PRKCH: variants seen among roughly 807,000 people sequenced by gnomAD.
PRKCH encodes protein kinase C eta type.
PRKCH carries 28 observed loss-of-function variants against 82.5 expected under a neutral mutation model. That is an observed-to-expected ratio of 0.34 (90% CI 0.25 to 0.47). The LOEUF (loss-of-function observed/expected upper bound fraction) is 0.47, where lower values mean the gene tolerates loss of function less well. PRKCH is among the 20% of genes least tolerant of loss of function. The probability of loss-of-function intolerance (pLI) is 1.00; values close to 1 mark genes in which losing one functional copy is unlikely to be tolerated. For synonymous variants in PRKCH, 322 were observed against 327.4 expected (o/e 0.98, Z 0.18); for missense variants, 705 against 881.8 (o/e 0.80, Z 2.54).
At chr14:61,452,303 A>G (rs1307566702) in intron 6 of PRKCH, among the ~76,000 whole-genome samples, 2 of 151,976 alleles carry the variant, frequency 1.3e-5, no homozygotes, top group Non-Finnish European at 2.9e-5. Context: ...CCTCTACTTG[A>G]TTTGGTGTTC....
intron 10 of PRKCH, among the ~76,000 whole-genome samples, chr14:61,524,192 C>T (rs944966858): frequency 2.0e-5 from 3 of 152,206 alleles, no homozygotes; most frequent in African/African-American, 7.2e-5. Context: ...TTATTACTCT[C>T]AGGATAGCTT....
intron 1 of PRKCH, among the ~76,000 whole-genome samples, chr14:61,338,463 T>G (rs2045887089): frequency 6.6e-6 from 1 of 152,168 alleles, no homozygotes; most frequent in South Asian, 2.1e-4. Context: ...AAATAAGTAT[T>G]AAAGGTGTGT....
chr14:61,457,374 G>GGT lies in PRKCH; in HGVS notation c.1104+69_1104+70dup, dbSNP rs146597366. On this transcript the variant is annotated intron_variant, in intron 8 of 13. Coordinates refer to ENST00000332981, the MANE Select transcript of PRKCH (RefSeq NM_006255.5). The stretch of plus-strand genomic sequence containing the variant: ...AAGTAAGTGTGCTCTGTGTATGGGG[G>GGT]GTGTGTGTGTGTGTGCACGCATGCG... The GGT allele has an allele frequency of 2.4e-4, 371 of 1,573,276 alleles. 2 individuals are homozygous for GGT. Among genetic ancestry groups the GGT allele is most frequent in the East Asian group, 1.4e-3 (60 of 43,778 alleles).
intron 2 of PRKCH, among the ~76,000 whole-genome samples, chr14:61,407,967 T>C (rs1424594029): frequency 6.6e-6 from 1 of 152,222 alleles, no homozygotes; most frequent in East Asian, 1.9e-4. Context: ...TCCCCTGTTG[T>C]CTGAATTTCC....
At chr14:61,328,712 G>A (rs1461065433) in intron 1 of PRKCH, among the ~76,000 whole-genome samples, 4 of 152,048 alleles carry the variant, frequency 2.6e-5, no homozygotes, top group Admixed American at 6.5e-5. Context: ...CTGGGGCCGC[G>A]TGCTATGGCT....
chr14:61,223,920 T>C (rs190860278), intron 1 of PRKCH, among the ~76,000 whole-genome samples: 93 of 152,336 alleles, frequency 6.1e-4, no homozygotes, highest in Admixed American at 1.2e-3. Context: ...TAGCTATATT[T>C]TTTAAAAATT....
rs113406855 is a variant in PRKCH, at chr14:61,430,045, A to G, written c.428-13066A>G. On this transcript the variant is annotated intron_variant, in intron 2 of 13. Coordinates refer to ENST00000332981, the MANE Select transcript of PRKCH (RefSeq NM_006255.5). The stretch of plus-strand genomic sequence containing the variant: ...TTATCAGGTAAATTCCATGGAATCA[A>G]GAGTAGAGGCATATGTTGCTTTTCT... Among the ~76,000 whole-genome samples, 632 of 152,328 alleles carry G rather than the reference A, an allele frequency of 4.1e-3. 5 individuals are homozygous for G. Among genetic ancestry groups the G allele is most frequent in the Non-Finnish European group, 6.2e-3 (424 of 68,024 alleles).
At chr14:61,263,984 G>T (rs2045074037) in intron 1 of PRKCH, among the ~76,000 whole-genome samples, 1 of 151,678 alleles carries the variant, frequency 6.6e-6, no homozygotes, top group South Asian at 2.1e-4. Flanking sequence ...TGCCAAAAGG[G>T]CAAATACATG....
intron 1 of PRKCH, among the ~76,000 whole-genome samples, chr14:61,312,237 A>C (rs1160889538): frequency 2.6e-5 from 4 of 152,236 alleles, no homozygotes; most frequent in Non-Finnish European, 4.4e-5. Context: ...GTTCAAAACA[A>C]ATGATTCTTG....
chr14:61,534,829 A>G (rs1594793307), intron 12 of PRKCH, among the ~76,000 whole-genome samples: 1 of 152,206 alleles, frequency 6.6e-6, no homozygotes, highest in African/African-American at 2.4e-5. Flanking sequence ...AATAACACCT[A>G]TAGTGCCCGC....
intron 10 of PRKCH, among the ~76,000 whole-genome samples, chr14:61,504,509 C>T (rs1198487641): frequency 1.3e-5 from 2 of 152,114 alleles, no homozygotes; most frequent in African/African-American, 4.8e-5. Context: ...CCATTTTGGG[C>T]GGTACACTGC....
chr14:61,278,881 A>C (rs1183109487), intron 1 of PRKCH: 1 of 152,046 alleles, frequency 6.6e-6, no homozygotes, highest in African/African-American at 2.4e-5. Context: ...TGATTCAAAT[A>C]TGATTACTAG....
At chr14:61,265,316 A>C (rs1213168464) in intron 1 of PRKCH, among the ~76,000 whole-genome samples, 1 of 152,090 alleles carries the variant, frequency 6.6e-6, no homozygotes, top group Admixed American at 6.5e-5. Context: ...CCCTGTCTCT[A>C]CAAAAAATAC....
At chr14:61,549,629 A>G (rs1349306953) in intron 13 of PRKCH, 56 bp from the exon 14 acceptor site, 2 of 1,589,680 alleles carry the variant, frequency 1.3e-6, no homozygotes, top group East Asian at 2.2e-5. Context: ...CCCATGCAAG[A>G]TGAGTAAGCC....
chr14:61,433,858 A>G (rs1883542173), intron 2 of PRKCH, among the ~76,000 whole-genome samples: 1 of 152,258 alleles, frequency 6.6e-6, no homozygotes, highest in South Asian at 2.1e-4. Flanking sequence ...CATGTACACC[A>G]GGATTTTCAG....
intron 1 of PRKCH, among the ~76,000 whole-genome samples, chr14:61,291,323 CTTTTTT>C (rs533117559): frequency 6.2e-5 from 6 of 96,694 alleles, no homozygotes; most frequent in Admixed American, 3.8e-4. Flanking sequence ...CCCTCTGGTT[CTTTTTT>C]TTTTTTTTTT....
At chr14:61,442,457 G>A (rs1273116528) in intron 2 of PRKCH, 1 of 152,184 alleles carries the variant, frequency 6.6e-6, no homozygotes, top group Non-Finnish European at 1.5e-5. Context: ...AATGCTTATA[G>A]CTCATAGATA....
rs569219302 is a variant in PRKCH at position 61,297,505 on chromosome 14, A to G, written c.-19+109837A>G. Among the ~76,000 whole-genome samples, 4 of 152,310 alleles carry G rather than the reference A, an allele frequency of 2.6e-5. No homozygotes were observed. The South Asian group carries it at 6.2e-4, about 24-fold the overall frequency. On this transcript the variant is annotated intron_variant, in intron 1 of 3. Coordinates refer to the PRKCH transcript ENST00000555185. ...TATTTGTCTGCTGCAGTGGTCTCCA[A>G]CCTTTTTGGCACTAGGAACTGGTTT...
intron 2 of PRKCH, among the ~76,000 whole-genome samples, chr14:61,439,602 C>T (rs1883856375): frequency 6.8e-6 from 1 of 146,646 alleles, no homozygotes; most frequent in Non-Finnish European, 1.5e-5. Flanking sequence ...GAGGTGCACT[C>T]CCGGCCTGCT....
Sources: gnomAD v4.1 joint callset for allele counts (sites outside exome capture counted in the v4.1 genomes callset) on GRCh38, gnomAD v4.1.1 for gene constraint, MANE v1.5 for transcripts, NCBI Gene and HGNC (gene_info 2026-07-23, HGNC 2026-07-21) for gene names.